Variants in UGT1A8 observed in about 807,000 individuals in gnomAD.
UGT1A8 encodes UDP glucuronosyltransferase family 1 member A8, also known as UDP-glucuronosyltransferase 1A8.
Under a neutral mutation model 45.3 loss-of-function variants are expected in UGT1A8, and 39 were observed. The ratio of observed to expected loss-of-function variants is 0.86; its 90% CI spans 0.67 to 1.12. The LOEUF (loss-of-function observed/expected upper bound fraction) is 1.12, where lower values mean the gene tolerates loss of function less well. UGT1A8 is among the 50% of genes most tolerant of loss of function. UGT1A8 has a pLI of 0.00. For missense variants in UGT1A8, 719 were observed against 664.9 expected, an observed-to-expected ratio of 1.08 and a Z score of -0.90; for synonymous variants, 275 against 249.2, an observed-to-expected ratio of 1.10 and a Z score of -0.97.
At chr2:233,651,573 C>T (rs978242918) in intron 1 of UGT1A8, among the ~76,000 whole-genome samples, 1 of 152,068 alleles carries the variant, frequency 6.6e-6, no homozygotes, top group Non-Finnish European at 1.5e-5. Context: ...AAAGAGTGCC[C>T]TTTGACAAAG....
chr2:233,630,411 G>A (rs1379457415), intron 1 of UGT1A8, among the ~76,000 whole-genome samples: 1 of 152,154 alleles, frequency 6.6e-6, no homozygotes, highest in East Asian at 1.9e-4. Flanking sequence ...GCTCATCCAT[G>A]AAGGTATCAA....
rs188974985 is a variant in UGT1A8 at position 233,689,973 on chromosome 2, C to T, written c.855+71411C>T. 1.3e-5 allele frequency: 6 copies of T among 455,414 alleles called. No individual in the cohort carries two copies. In the East Asian group the frequency reaches 3.5e-4, roughly 26 times the overall value. 28.2% of individuals were successfully genotyped at this position (455,414 alleles called of 1,614,324 possible). A position where few individuals can be genotyped will look rare whatever the true frequency, so the allele number is the denominator to read the frequency against. Reference sequence around the variant, plus strand: ...TTATTTCCATGCTTGGAGGAACCCACAGGCCCCTAAAAGGGATTCTCACTT... The same window carrying T: ...TTATTTCCATGCTTGGAGGAACCCATAGGCCCCTAAAAGGGATTCTCACTT... On this transcript the variant is annotated intron_variant, in intron 1 of 4. Coordinates refer to ENST00000373450, the MANE Select transcript of UGT1A8 (RefSeq NM_019076.5).
In UGT1A8 at chr2:233,743,574, A is replaced by T. The variant is rs763461022; in HGVS notation, c.856-23460A>T. ...AAAATATTCTCCAGCGGGTTTCCCA[A>T]GAGGTCAAAGGAGAATGGGTCCTGG... is the stretch of plus-strand genomic sequence containing the variant. On this transcript the variant is annotated intron_variant, in intron 1 of 4. Coordinates refer to ENST00000373450, the MANE Select transcript of UGT1A8 (RefSeq NM_019076.5). 5 of 1,367,184 alleles carry T rather than the reference A, an allele frequency of 3.7e-6. No individual in the cohort carries two copies. The East Asian group carries it at 2.3e-4, about 62-fold the overall frequency. The allele number at this position is 1,367,184 out of a possible 1,614,324, so 84.7% of individuals were successfully genotyped here. A position where few individuals can be genotyped will look rare whatever the true frequency, so the allele number is the denominator to read the frequency against.
intron 1 of UGT1A8, among the ~76,000 whole-genome samples, chr2:233,714,127 G>A (rs1240971453): frequency 2.0e-5 from 3 of 152,154 alleles, no homozygotes; most frequent in African/African-American, 4.8e-5. Context: ...GAGACTGTTC[G>A]TTTGTAAAAG....
At chr2:233,717,267 T>C (rs1350821692) in intron 1 of UGT1A8, among the ~76,000 whole-genome samples, 1 of 152,078 alleles carries the variant, frequency 6.6e-6, no homozygotes, top group African/African-American at 2.4e-5. Context: ...GGAGGAATAG[T>C]TGAGAAGCTG....
Position 233,769,834 on chromosome 2 carries a change from G to T in UGT1A8, c.1295+1395G>T. ...CATGCCACTGCACTCCAGCAACCTG[G>T]GCAACAGAGTGAGACCCTGTCTCAA... On this transcript the variant is annotated intron_variant, in intron 4 of 4. Coordinates refer to ENST00000373450, the MANE Select transcript of UGT1A8 (RefSeq NM_019076.5). The surrounding 1 kb of genome is among the most constrained non-coding windows in gnomAD (Gnocchi z 4.4). 1.5e-6 allele frequency: 1 copy of T among 687,902 alleles called. No individual in the cohort carries two copies. The highest frequency in any genetic ancestry group is 2.2e-6 in the Non-Finnish European group (1 of 463,396). The allele number at this position is 687,902 out of a possible 1,614,324, so 42.6% of individuals were successfully genotyped here.
intron 1 of UGT1A8, among the ~76,000 whole-genome samples, chr2:233,678,633 C>T (rs1353843462): frequency 6.6e-6 from 1 of 152,162 alleles, no homozygotes; most frequent in Non-Finnish European, 1.5e-5. Flanking sequence ...AAGTCAATAG[C>T]AGTCTTAAAT....
Position 233,727,952 on chromosome 2 carries a change from C to T in UGT1A8, c.856-39082C>T, listed in dbSNP as rs370815367. On this transcript the variant is annotated intron_variant, in intron 1 of 4. Coordinates refer to ENST00000373450, the MANE Select transcript of UGT1A8 (RefSeq NM_019076.5). ...AAGTGCACACCCCAGACAGCCTGCC[C>T]ACATCATCCTGAGGTGACCAGGACA... 3.3e-5 allele frequency among the ~76,000 whole-genome samples: 5 copies of T among 152,204 alleles called. No homozygotes were observed. In the East Asian group the frequency reaches 7.7e-4, roughly 23 times the overall value.
At position 233,637,352 on chromosome 2, in the gene UGT1A8, G is replaced by A. The variant is rs201411879; in HGVS notation, c.855+18790G>A. 9.0e-4 allele frequency: 1,459 copies of A among 1,613,632 alleles called. 21 individuals are homozygous for A. The South Asian group carries it at 0.015, about 17-fold the overall frequency. On this transcript the variant is annotated intron_variant, in intron 1 of 4. Transcript: ENST00000373450. ...ATGATCTTCATTGGTGGTATCAACT[G>A]TCATCAGGGAAAGCCATTGCCTATG... is the stretch of plus-strand genomic sequence containing the variant.
intron 1 of UGT1A8, among the ~76,000 whole-genome samples, chr2:233,726,510 G>T (rs558172784): frequency 5.9e-4 from 89 of 152,028 alleles, no homozygotes; most frequent in Middle Eastern, 3.4e-3. Context: ...GAATTTCATG[G>T]TACTTTTCCA....
rs573836157 is a variant in UGT1A8, at chr2:233,683,415, T to G, written c.855+64853T>G. 1.7e-3 allele frequency among the ~76,000 whole-genome samples: 265 copies of G among 152,282 alleles called. 1 individual carries two copies. The highest frequency in any genetic ancestry group is 0.016 in the South Asian group (79 of 4,824). ...TAGAGATTTAAGTGTTTTCCACTTTTGGGGTTTATGAGCAATAATAAGAAT... is the reference window on the plus strand; with the variant it reads ...TAGAGATTTAAGTGTTTTCCACTTTGGGGGTTTATGAGCAATAATAAGAAT... On this transcript the variant is annotated intron_variant, in intron 1 of 4. Transcript: ENST00000373450.
At chr2:233,718,985 C>A (rs45571233) in intron 1 of UGT1A8, 1 of 1,614,224 alleles carries the variant, frequency 6.2e-7, no homozygotes, top group Non-Finnish European at 8.5e-7. Context: ...ATGCCAGAGG[C>A]CACCAGGCGG....
At chr2:233,632,246 T>A (rs976717952) in intron 1 of UGT1A8, among the ~76,000 whole-genome samples, 4 of 152,206 alleles carry the variant, frequency 2.6e-5, no homozygotes, top group Non-Finnish European at 5.9e-5. Flanking sequence ...AGCCTTGTAG[T>A]ATAATTTGAA....
chr2:233,629,586 A>G (rs28948385), intron 1 of UGT1A8, among the ~76,000 whole-genome samples: 9,918 of 152,038 alleles, frequency 0.065, 566 homozygotes, highest in African/African-American at 0.16. Flanking sequence ...TAATTTTCCT[A>G]TCTTTTAATG....
intron 1 of UGT1A8, among the ~76,000 whole-genome samples, chr2:233,619,307 T>C (rs376968462): frequency 6.6e-6 from 1 of 152,188 alleles, no homozygotes; most frequent in Non-Finnish European, 1.5e-5. Context: ...GTCTTTACTT[T>C]GGATGCTATG....
rs1387823761 is a variant in UGT1A8 at position 233,672,487 on chromosome 2, G to A, written c.855+53925G>A. On this transcript the variant is annotated intron_variant, in intron 1 of 4. Transcript: ENST00000373450. ...TCTTGAAGAAGGTGCACAGTGCCCT[G>A]CTCCTCTTTCCTATGTCCCCAGAAT... The A allele has an allele frequency of 1.9e-6, 3 of 1,613,938 alleles. No individual in the cohort carries two copies. In the East Asian group the frequency reaches 6.7e-5, roughly 36 times the overall value.
Position 233,760,681 on chromosome 2 carries a change from C to A in UGT1A8, c.856-6353C>A, listed in dbSNP as rs769242961. The A allele has an allele frequency of 2.5e-6, 4 of 1,614,246 alleles. No homozygotes were observed. In the South Asian group the frequency reaches 4.4e-5, roughly 18 times the overall value. On this transcript the variant is annotated intron_variant, in intron 1 of 4. Transcript: ENST00000373450. ...TTTGTCTGGCTGTTCCCACTTACTG[C>A]ACAACAAGGAGCTCATGGCCTCCCT... is the stretch of plus-strand genomic sequence containing the variant.
chr2:233,632,965 G>A (rs754454510), intron 1 of UGT1A8, among the ~76,000 whole-genome samples: 32 of 152,210 alleles, frequency 2.1e-4, no homozygotes, highest in South Asian at 6.2e-4. Flanking sequence ...ATTGGCTGTC[G>A]GTTTGTCATA....
intron 1 of UGT1A8, among the ~76,000 whole-genome samples, chr2:233,746,241 G>A (rs1177862804): frequency 6.6e-6 from 1 of 151,746 alleles, no homozygotes; most frequent in African/African-American, 2.4e-5. Context: ...ACTGCTAAAA[G>A]ATACAAGGCA....
Sources: allele counts gnomAD v4.1 joint callset (sites outside exome capture counted in the v4.1 genomes callset), GRCh38; gene constraint gnomAD v4.1.1; non-coding constraint Gnocchi (gnomAD v3.1); transcripts MANE v1.5; gene names NCBI Gene and HGNC (gene_info 2026-07-23, HGNC 2026-07-21).